CCDC73: variants seen among roughly 807,000 people sequenced by gnomAD.
The protein encoded by CCDC73 is coiled-coil domain-containing protein 73.
Under a neutral mutation model 116.5 loss-of-function variants are expected in CCDC73, and 95 were observed. The observed-to-expected ratio is 0.82, with a 90% confidence interval of 0.69 to 0.97. CCDC73 has a LOEUF of 0.97. CCDC73 is among the 50% of genes least tolerant of loss of function. CCDC73 has a pLI of 0.00. For missense variants in CCDC73, 1,066 were observed against 1,206.8 expected, an observed-to-expected ratio of 0.88 and a Z score of 1.73; for synonymous variants, 398 against 401.3, an observed-to-expected ratio of 0.99 and a Z score of 0.10.
chr11:32,675,511 G>A (rs1856078121), intron 9 of CCDC73, 54 bp downstream of exon 9: 1 of 1,142,516 alleles, frequency 8.8e-7, no homozygotes, highest in Admixed American at 2.4e-5. Context: ...TAGCGCATAA[G>A]ACTATTTTAT....
chr11:32,676,120 A>G (rs1206572202), intron 7 of CCDC73, 99 bp from the exon 8 acceptor site: 9 of 926,784 alleles, frequency 9.7e-6, no homozygotes, highest in Non-Finnish European at 1.4e-5. Context: ...CACTGTTGTT[A>G]GTAATATAAC....
chr11:32,641,727 A>ATG (rs71679766), intron 13 of CCDC73, among the ~76,000 whole-genome samples: 3 of 151,106 alleles, frequency 2.0e-5, no homozygotes, highest in Non-Finnish European at 4.4e-5. Context: ...ATATATATAT[A>ATG]TATGCATGCA....
At chr11:32,732,559 C>G (rs1367388265) in intron 2 of CCDC73, among the ~76,000 whole-genome samples, 3 of 152,212 alleles carry the variant, frequency 2.0e-5, no homozygotes, top group Non-Finnish European at 4.4e-5. Flanking sequence ...ATCAGACTAA[C>G]AGCGGATCTC....
the CCDC73 span, among the ~76,000 whole-genome samples, chr11:32,800,616 A>T: frequency 1.3e-5 from 2 of 152,086 alleles, no homozygotes; most frequent in Non-Finnish European, 2.9e-5. Context: ...CCTCTTCTGG[A>T]CCCCTTTACT....
intron 13 of CCDC73, among the ~76,000 whole-genome samples, chr11:32,640,945 G>A (rs528888006): frequency 1.1e-4 from 16 of 152,152 alleles, no homozygotes; most frequent in African/African-American, 3.9e-4. Flanking sequence ...GAACCCAGGA[G>A]GCAGAGCTTG....
the CCDC73 span, among the ~76,000 whole-genome samples, chr11:32,818,410 T>C: frequency 6.6e-6 from 1 of 152,230 alleles, no homozygotes; most frequent in Non-Finnish European, 1.5e-5. Flanking sequence ...TCGGGTCTAC[T>C]GCAGAAAGTT....
chr11:32,619,252 C>T (rs769882335), intron 14 of CCDC73, among the ~76,000 whole-genome samples: 2 of 147,270 alleles, frequency 1.4e-5, no homozygotes, highest in Non-Finnish European at 3.1e-5. Context: ...GGCCAATATC[C>T]AGAATGGTGT....
At chr11:32,612,624 C>A (rs1208081937) in intron 16 of CCDC73, among the ~76,000 whole-genome samples, 1 of 151,816 alleles carries the variant, frequency 6.6e-6, no homozygotes, top group Non-Finnish European at 1.5e-5. Context: ...GTACTCCCAG[C>A]TGCTCAGGAG....
At chr11:32,755,194 C>G (rs1488960464) in intron 2 of CCDC73, among the ~76,000 whole-genome samples, 1 of 148,050 alleles carries the variant, frequency 6.8e-6, no homozygotes, top group Admixed American at 6.8e-5. Context: ...TCAGCTTCGA[C>G]ATTTTTTATC....
rs1439181142 is a variant in CCDC73 at position 32,697,195 on chromosome 11, T to TA, written c.390+2055_390+2056insT. ...TGTGTTTATACATACACATACTTTT[T>TA]GTTTTTTCTGAACTATCTGAAAGTA... On this transcript the variant is annotated intron_variant, in intron 6 of 17. Transcript: ENST00000335185. Among the ~76,000 whole-genome samples the TA allele has an allele frequency of 4.4e-4, 28 of 63,448 alleles. No homozygotes were observed. The East Asian group carries it at 0.04, about 91-fold the overall frequency. The allele number at this position is 63,448 out of a possible 152,430, so 41.6% of individuals were successfully genotyped here.
chr11:32,692,872 A>C (rs1036917303), intron 6 of CCDC73, among the ~76,000 whole-genome samples: 1 of 152,224 alleles, frequency 6.6e-6, no homozygotes, highest in East Asian at 1.9e-4. Context: ...AATCTACAGG[A>C]CAATCAGCAA....
intron 3 of CCDC73, 139 bp from the exon 4 acceptor site, chr11:32,703,083 A>T: frequency 1.5e-6 from 1 of 674,448 alleles, no homozygotes; most frequent in Non-Finnish European, 2.6e-6. Context: ...GCAACTTTAA[A>T]CCAATTTTAT....
chr11:32,803,910 G>A, the CCDC73 span, among the ~76,000 whole-genome samples: 1 of 151,974 alleles, frequency 6.6e-6, no homozygotes, highest in African/African-American at 2.4e-5. Flanking sequence ...AGGTTCAAGC[G>A]ATTCTTCTGC....
chr11:32,721,713 C>T (rs1849991207), intron 2 of CCDC73, among the ~76,000 whole-genome samples: 1 of 72,336 alleles, frequency 1.4e-5, no homozygotes, highest in Non-Finnish European at 2.8e-5. Flanking sequence ...CCTGCCTCAG[C>T]CTCCCGAGTA....
chr11:32,792,992 TCACCG>T (rs796957634), intron 1 of CCDC73, among the ~76,000 whole-genome samples: 13 of 151,978 alleles, frequency 8.6e-5, no homozygotes, highest in African/African-American at 2.4e-4. Context: ...AATAACACTA[TCACCG>T]CACCTGTACA....
intron 2 of CCDC73, among the ~76,000 whole-genome samples, chr11:32,743,473 T>C (rs1368771044): frequency 6.6e-6 from 1 of 152,168 alleles, no homozygotes; most frequent in Non-Finnish European, 1.5e-5. Flanking sequence ...AAGATGTTCT[T>C]TGAAACCAGT....
intron 2 of CCDC73, among the ~76,000 whole-genome samples, chr11:32,741,508 T>C (rs2133357115): frequency 6.6e-6 from 1 of 152,202 alleles, no homozygotes; most frequent in African/African-American, 2.4e-5. Flanking sequence ...ACTCCTGCTC[T>C]TTTTTGGTTT....
the CCDC73 span, among the ~76,000 whole-genome samples, chr11:32,802,925 CTT>C: frequency 2.2e-5 from 3 of 138,556 alleles, no homozygotes; most frequent in South Asian, 4.7e-4. Context: ...GCTAATTTTT[CTT>C]TTTTTTTTTT....
At chr11:32,731,334 TCCA>T (rs1850076146) in intron 2 of CCDC73, among the ~76,000 whole-genome samples, 1 of 152,126 alleles carries the variant, frequency 6.6e-6, no homozygotes, top group African/African-American at 2.4e-5. Context: ...CTCTGTAGAC[TCCA>T]CCTCTGGGGG....
Sources: gnomAD v4.1 joint callset for allele counts (sites outside exome capture counted in the v4.1 genomes callset) on GRCh38, gnomAD v4.1.1 for gene constraint, MANE v1.5 for transcripts, NCBI Gene and HGNC (gene_info 2026-07-23, HGNC 2026-07-21) for gene names.